PLCB1: variants seen among roughly 807,000 people sequenced by gnomAD.
PLCB1 encodes the protein phospholipase C beta 1.
A neutral mutation model predicts 161.8 loss-of-function variants in PLCB1; 46 were observed. The ratio of observed to expected loss-of-function variants is 0.28; its 90% CI spans 0.22 to 0.36. PLCB1 has a LOEUF of 0.36. PLCB1 is among the 10% of genes least tolerant of loss of function. PLCB1 has a pLI of 1.00. For missense variants in PLCB1, 1,016 were observed against 1,472.5 expected, an observed-to-expected ratio of 0.69 and a Z score of 5.07; for synonymous variants, 517 against 503.7, an observed-to-expected ratio of 1.03 and a Z score of -0.35.
intron 2 of PLCB1, among the ~76,000 whole-genome samples, chr20:8,178,377 G>C (rs1356514748): frequency 6.6e-6 from 1 of 151,882 alleles, no homozygotes; most frequent in Non-Finnish European, 1.5e-5. Context: ...GGTTTTGATT[G>C]GCATTTCTCT....
At chr20:8,662,033 T>TATTATATAATTATATATA (rs1568550985) in intron 9 of PLCB1, among the ~76,000 whole-genome samples, 38 of 92,592 alleles carry the variant, frequency 4.1e-4, no homozygotes, top group South Asian at 5.5e-4. Context: ...TACAATTATT[T>TATTATATAATTATATATA]ATTATATAAT....
intron 2 of PLCB1, among the ~76,000 whole-genome samples, chr20:8,236,602 T>C (rs540382355): frequency 5.3e-5 from 8 of 152,080 alleles, no homozygotes; most frequent in South Asian, 2.1e-4. Flanking sequence ...GATTATTCAA[T>C]GAGAGGCAGA....
chr20:8,521,272 G>C (rs1984337723), intron 3 of PLCB1, among the ~76,000 whole-genome samples: 1 of 151,196 alleles, frequency 6.6e-6, no homozygotes, highest in South Asian at 2.1e-4. Flanking sequence ...AAATTAGTAA[G>C]ATGTCAACCT....
At chr20:8,169,321 A>G (rs1369360281) in intron 2 of PLCB1, among the ~76,000 whole-genome samples, 1 of 152,144 alleles carries the variant, frequency 6.6e-6, no homozygotes, top group Non-Finnish European at 1.5e-5. Context: ...CCTGCCTTGA[A>G]CACTATGTAT....
intron 2 of PLCB1, among the ~76,000 whole-genome samples, chr20:8,200,082 A>G (rs1222894040): frequency 2.6e-5 from 4 of 152,042 alleles, no homozygotes; most frequent in African/African-American, 9.7e-5. Flanking sequence ...ATATTAATTC[A>G]TTGTCACTCA....
At chr20:8,231,384 A>G (rs565705735) in intron 2 of PLCB1, among the ~76,000 whole-genome samples, 27 of 152,272 alleles carry the variant, frequency 1.8e-4, no homozygotes, top group African/African-American at 6.0e-4. Flanking sequence ...CATCAGAAAT[A>G]TATCTGCACA....
chr20:8,532,170 T>A lies in PLCB1; in HGVS notation c.247-96124T>A, dbSNP rs541536628. On this transcript the variant is annotated intron_variant, in intron 3 of 31. Transcript: ENST00000338037. The stretch of plus-strand genomic sequence containing the variant: ...TTACAATCAATCTACATTGCCTACC[T>A]TTTGGAGTATTTCTATTTAAATAAA... 5.3e-5 allele frequency among the ~76,000 whole-genome samples: 8 copies of A among 152,338 alleles called. No homozygotes were observed. The South Asian group carries it at 1.7e-3, about 32-fold the overall frequency.
Position 8,179,919 on chromosome 20 carries a change from C to T in PLCB1, c.177+29548C>T, listed in dbSNP as rs1205423393. Among the ~76,000 whole-genome samples, 3 of 116,986 alleles carry T rather than the reference C, an allele frequency of 2.6e-5. No individual in the cohort carries two copies. The Admixed American group carries it at 3.6e-4, about 14-fold the overall frequency. The allele number at this position is 116,986 out of a possible 152,430, so 76.7% of individuals were successfully genotyped here. On this transcript the variant is annotated intron_variant, in intron 2 of 31. Coordinates refer to ENST00000338037, the MANE Select transcript of PLCB1 (RefSeq NM_015192.4). ...TGTCGCCCAGGCTGGAGTGCAGTGG[C>T]GGGATCTCGGCTCACTGCAAGCTCC...
chr20:8,841,860 A>G (rs1486446696), intron 31 of PLCB1, among the ~76,000 whole-genome samples: 3 of 152,214 alleles, frequency 2.0e-5, no homozygotes, highest in Non-Finnish European at 4.4e-5. Context: ...TCATGGGGTC[A>G]TTTTATTGAA....
rs148238615 is a variant in PLCB1 at position 8,784,259 on chromosome 20, G to C, written c.3112-4190G>C. ...GTGGGCAGAACTTCAGTAGGAGTGAGGGTCTTCTGAAAACTAGCTGAGGTC... is the reference window on the plus strand; with the variant it reads ...GTGGGCAGAACTTCAGTAGGAGTGACGGTCTTCTGAAAACTAGCTGAGGTC... On this transcript the variant is annotated intron_variant, in intron 27 of 31. Transcript: ENST00000338037. Among the ~76,000 whole-genome samples, 952 of 152,046 alleles carry C rather than the reference G, an allele frequency of 6.3e-3. 8 individuals carry two copies. Among genetic ancestry groups the C allele is most frequent in the African/African-American group, 0.022 (917 of 41,486 alleles).
chr20:8,495,972 A>T (rs1038861572), intron 3 of PLCB1, among the ~76,000 whole-genome samples: 3 of 152,144 alleles, frequency 2.0e-5, no homozygotes, highest in Non-Finnish European at 4.4e-5. Flanking sequence ...ATGATCTTCT[A>T]CATTAGGTTT....
intron 3 of PLCB1, among the ~76,000 whole-genome samples, chr20:8,493,475 G>C (rs1275729739): frequency 2.0e-5 from 3 of 152,214 alleles, no homozygotes; most frequent in Non-Finnish European, 4.4e-5. Context: ...GGTTTCATTA[G>C]AGGAGATAAA....
rs988448922 is a variant in PLCB1, at chr20:8,477,234, T to A, written c.246+105784T>A. Among the ~76,000 whole-genome samples, 39 of 152,148 alleles carry A rather than the reference T, an allele frequency of 2.6e-4. 1 individual carries two copies. Among genetic ancestry groups the A allele is most frequent in the African/African-American group, 8.2e-4 (34 of 41,442 alleles). On this transcript the variant is annotated intron_variant, in intron 3 of 31. Coordinates refer to ENST00000338037, the MANE Select transcript of PLCB1 (RefSeq NM_015192.4). ...AAGATCCCCAAGCAATTCCAACGCA[T>A]GTTCAATTTTGAGAGATGTTGCTAA...
intron 2 of PLCB1, among the ~76,000 whole-genome samples, chr20:8,188,049 TG>T (rs146623952): frequency 0.067 from 10,267 of 152,184 alleles, 442 homozygotes; most frequent in Middle Eastern, 0.15. Flanking sequence ...TGATTTAGGC[TG>T]GGCTCACATA....
intron 3 of PLCB1, among the ~76,000 whole-genome samples, chr20:8,480,092 AG>A (rs1296222936): frequency 6.6e-6 from 1 of 152,228 alleles, no homozygotes; most frequent in Non-Finnish European, 1.5e-5. Context: ...TAGGGTCGCC[AG>A]GTAATAGTTC....
At chr20:8,595,023 A>ATG (rs1987284006) in intron 3 of PLCB1, among the ~76,000 whole-genome samples, 1 of 152,230 alleles carries the variant, frequency 6.6e-6, no homozygotes, top group Non-Finnish European at 1.5e-5. Context: ...TATATAGACT[A>ATG]CATAACATAT....
intron 2 of PLCB1, among the ~76,000 whole-genome samples, chr20:8,355,740 AG>A (rs1986343549): frequency 1.3e-5 from 2 of 152,166 alleles, no homozygotes; most frequent in South Asian, 4.1e-4. Flanking sequence ...CTGTATGGAG[AG>A]AAGAGTAGCA....
intron 4 of PLCB1, among the ~76,000 whole-genome samples, chr20:8,643,686 G>C (rs1026262548): frequency 6.6e-6 from 1 of 151,774 alleles, no homozygotes; most frequent in African/African-American, 2.4e-5. Flanking sequence ...TCGGGAGATC[G>C]AGACCATCCT....
chr20:8,325,807 G>C lies in PLCB1; in HGVS notation c.178-45575G>C, dbSNP rs144962768. On this transcript the variant is annotated intron_variant, in intron 2 of 31. Transcript: ENST00000338037. ...GGGGTGGGCAAGCCAGTGATGACAG[G>C]GTTAGGTGGATACTGGAATATTCAG... Among the ~76,000 whole-genome samples, 291 of 152,230 alleles carry C rather than the reference G, an allele frequency of 1.9e-3. 1 individual carries two copies. Among genetic ancestry groups the C allele is most frequent in the Non-Finnish European group, 3.2e-3 (220 of 68,002 alleles).
Sources: gnomAD v4.1 joint callset for allele counts (sites outside exome capture counted in the v4.1 genomes callset) on GRCh38, gnomAD v4.1.1 for gene constraint, MANE v1.5 for transcripts, NCBI Gene and HGNC (gene_info 2026-07-23, HGNC 2026-07-21) for gene names.